Variants in CNST observed in about 807,000 individuals in gnomAD.
CNST encodes the protein consortin, connexin sorting protein, also known as consortin.
Under a neutral mutation model 72.4 loss-of-function variants are expected in CNST, and 39 were observed. The observed-to-expected ratio is 0.54, with a 90% CI of 0.42 to 0.70. CNST has a LOEUF of 0.70. Among genes scored for constraint, CNST ranks in the 30% least tolerant of loss-of-function variants. The pLI is 0.00. For synonymous variants in CNST, 332 were observed against 320.1 expected (o/e 1.04, Z -0.40); for missense variants, 871 against 868.5 (o/e 1.00, Z -0.04).
At position 246,627,335 on chromosome 1, in the gene CNST, C is replaced by T. The variant is rs570379860; in HGVS notation, c.586-4559C>T. 1.4e-3 allele frequency among the ~76,000 whole-genome samples: 214 copies of T among 152,340 alleles called. 6 individuals are homozygous for T. In the South Asian group the frequency reaches 0.038, roughly 27 times the overall value. ...CCTGGATCTTCATTGCTAAAATTCT[C>T]CTTAACTCACTCCTTTCCAGGTTCA... On this transcript the variant is annotated intron_variant, in intron 3 of 10. Coordinates refer to ENST00000366513, the MANE Select transcript of CNST (RefSeq NM_152609.3).
At chr1:246,590,001 G>A (rs1445465548) in intron 1 of CNST, among the ~76,000 whole-genome samples, 1 of 152,142 alleles carries the variant, frequency 6.6e-6, no homozygotes. Context: ...GTTCATTGTA[G>A]ATTCTGGACA....
intron 9 of CNST, among the ~76,000 whole-genome samples, chr1:246,651,198 C>G (rs1010445665): frequency 6.6e-6 from 1 of 151,938 alleles, no homozygotes. Flanking sequence ...TCTTAATAAC[C>G]AAGTAATTAT....
At chr1:246,658,853 T>C (rs939426944) in intron 9 of CNST, among the ~76,000 whole-genome samples, 5 of 152,354 alleles carry the variant, frequency 3.3e-5, no homozygotes, top group Admixed American at 1.3e-4. Flanking sequence ...CTTCTGTGAC[T>C]GGCCCTGCTG....
intron 1 of CNST, among the ~76,000 whole-genome samples, chr1:246,568,924 G>T (rs913836988): frequency 1.3e-5 from 2 of 152,016 alleles, no homozygotes; most frequent in Middle Eastern, 3.2e-3. Flanking sequence ...TGTGAAGGCG[G>T]AGTTTTGCTA....
At chr1:246,591,964 T>TC (rs1175063306) in intron 2 of CNST, 23 bp downstream of exon 2, 2 of 1,555,714 alleles carry the variant, frequency 1.3e-6, no homozygotes, top group Admixed American at 3.8e-5. Flanking sequence ...ATAGTATTTA[T>TC]CCTCTTCTTT....
intron 1 of CNST, among the ~76,000 whole-genome samples, chr1:246,567,713 CTG>C (rs1407021957): frequency 6.6e-6 from 1 of 152,184 alleles, no homozygotes; most frequent in Non-Finnish European, 1.5e-5. Flanking sequence ...ATCTCATCAA[CTG>C]TTGTGCAAAC....
intron 1 of CNST, among the ~76,000 whole-genome samples, chr1:246,578,910 A>G (rs910785069): frequency 8.5e-5 from 13 of 152,144 alleles, no homozygotes; most frequent in African/African-American, 1.7e-4. Context: ...TGCTTTACCT[A>G]TTAGTGCTTC....
At chr1:246,619,593 G>A (rs1207760215) in intron 2 of CNST, among the ~76,000 whole-genome samples, 2 of 152,190 alleles carry the variant, frequency 1.3e-5, no homozygotes, top group African/African-American at 2.4e-5. Context: ...AAAGTAACTT[G>A]ACTTCAAGCT....
chr1:246,595,412 C>T (rs1046500932), intron 2 of CNST, among the ~76,000 whole-genome samples: 1 of 152,192 alleles, frequency 6.6e-6, no homozygotes, highest in Non-Finnish European at 1.5e-5. Flanking sequence ...TCCATCTTCA[C>T]TGCCACAGTT....
At chr1:246,570,287 G>A (rs1207407652) in intron 1 of CNST, among the ~76,000 whole-genome samples, 1 of 152,310 alleles carries the variant, frequency 6.6e-6, no homozygotes, top group East Asian at 1.9e-4. Context: ...CAGAGCTGCT[G>A]TAACAAAGGT....
At chr1:246,610,999 C>G (rs933210363) in intron 2 of CNST, among the ~76,000 whole-genome samples, 38 of 152,278 alleles carry the variant, frequency 2.5e-4, no homozygotes, top group African/African-American at 7.7e-4. Flanking sequence ...CCAGCAACAC[C>G]TGCTGCTTTT....
At chr1:246,632,433 G>T in intron 4 of CNST, 1 of 208,396 alleles carries the variant, frequency 4.8e-6, no homozygotes. Flanking sequence ...TGCAGTAAGG[G>T]ACCCCCATTT....
chr1:246,582,363 T>A (rs1394966923), intron 1 of CNST, among the ~76,000 whole-genome samples: 1 of 151,946 alleles, frequency 6.6e-6, no homozygotes, highest in Non-Finnish European at 1.5e-5. Context: ...ATGCTTTTTT[T>A]TTTTTTTGAG....
At position 246,647,329 on chromosome 1, in the gene CNST, GTCC is replaced by G; in HGVS notation, c.1132_1134del (p.Ser378del). 6.2e-7 allele frequency: 1 copy of G among 1,614,180 alleles called. No individual in the cohort carries two copies. Among genetic ancestry groups the G allele is most frequent in the Middle Eastern group, 1.6e-4 (1 of 6,062 alleles). On this transcript the variant is annotated inframe_deletion, in exon 9 of 11. Transcript: ENST00000366513. ...AAGCCACGTTAGCGCTCCACACCCA[GTCC>G]TCCGAGACAGCAGGGAGCCCGTCTG...
intron 1 of CNST, among the ~76,000 whole-genome samples, chr1:246,582,898 A>C (rs1049800124): frequency 2.0e-5 from 3 of 152,312 alleles, no homozygotes; most frequent in Non-Finnish European, 4.4e-5. Flanking sequence ...ACCGTGGCTG[A>C]AGATGAACAA....
chr1:246,630,887 A>G lies in CNST; in HGVS notation c.586-1007A>G, dbSNP rs188680841. 4.0e-3 allele frequency among the ~76,000 whole-genome samples: 616 copies of G among 152,178 alleles called. 6 individuals are homozygous for G. Among genetic ancestry groups the G allele is most frequent in the African/African-American group, 0.014 (592 of 41,512 alleles). On this transcript the variant is annotated intron_variant, in intron 3 of 10. Coordinates refer to ENST00000366513, the MANE Select transcript of CNST (RefSeq NM_152609.3). ...CAGCCTCCAGAGTAACTGGGATTAC[A>G]GGCATGAGACACCATGCCTGGCTAA...
intron 1 of CNST, among the ~76,000 whole-genome samples, chr1:246,571,128 T>C (rs1394110347): frequency 2.6e-5 from 4 of 152,226 alleles, no homozygotes; most frequent in Non-Finnish European, 4.4e-5. Flanking sequence ...TGAAGTCTTA[T>C]AATAGCTTGA....
At chr1:246,663,550 G>A (rs1044236186) in intron 10 of CNST, among the ~76,000 whole-genome samples, 2 of 152,088 alleles carry the variant, frequency 1.3e-5, no homozygotes, top group African/African-American at 2.4e-5. Context: ...AGACCAGCCT[G>A]GCCAATATGG....
At chr1:246,663,789 T>G (rs528884336) in intron 10 of CNST, among the ~76,000 whole-genome samples, 181 of 152,252 alleles carry the variant, frequency 1.2e-3, no homozygotes, top group African/African-American at 4.2e-3. Flanking sequence ...GCAAACAATT[T>G]TTTAATCCTA....
Sources: gnomAD v4.1 joint callset for allele counts (sites outside exome capture counted in the v4.1 genomes callset) on GRCh38, gnomAD v4.1.1 for gene constraint, MANE v1.5 for transcripts, NCBI Gene and HGNC (gene_info 2026-07-23, HGNC 2026-07-21) for gene names.